The following RBFOX1 variants were observed in gnomAD, a reference collection of about 807,000 sequenced individuals.
The protein encoded by RBFOX1 is RNA binding protein fox-1 homolog 1.
RBFOX1 carries 8 observed loss-of-function variants against 57.7 expected under a neutral mutation model. The ratio of observed to expected loss-of-function variants is 0.14; its 90% confidence interval spans 0.08 to 0.25. RBFOX1 has a LOEUF of 0.25. Ranked by LOEUF, RBFOX1 falls within the 10% of genes least tolerant of loss-of-function variation. The probability of loss-of-function intolerance (pLI) is 1.00; values close to 1 mark genes in which losing one functional copy is unlikely to be tolerated. For synonymous variants in RBFOX1, 326 were observed against 222.4 expected, an observed-to-expected ratio of 1.47 and a Z score of -4.15; for missense variants, 611 against 548.5, an observed-to-expected ratio of 1.11 and a Z score of -1.14.
intron 3 of RBFOX1, among the ~76,000 whole-genome samples, chr16:5,745,678 T>C (rs573534377): frequency 6.6e-5 from 10 of 152,290 alleles, no homozygotes; most frequent in African/African-American, 2.4e-4. Context: ...TGATTTGCAT[T>C]TCTCTGATGG....
exon 3 of RBFOX1, chr16:5,599,281 G>A: frequency 1.6e-6 from 1 of 644,096 alleles, no homozygotes; most frequent in Non-Finnish European, 2.8e-6. Context: ...CTGCGCCCTG[G>A]TGTGACGGCC....
At chr16:6,634,680 A>G (rs2098416734) in intron 2 of RBFOX1, among the ~76,000 whole-genome samples, 1 of 144,334 alleles carries the variant, frequency 6.9e-6, no homozygotes, top group Admixed American at 7.0e-5. Flanking sequence ...GTAAATATGT[A>G]CATATATAAT....
At chr16:7,325,762 C>T (rs2096603142) in intron 4 of RBFOX1, among the ~76,000 whole-genome samples, 1 of 152,196 alleles carries the variant, frequency 6.6e-6, no homozygotes, top group Non-Finnish European at 1.5e-5. Context: ...TTGGGTGTCA[C>T]ATTGACAACC....
intron 1 of RBFOX1, among the ~76,000 whole-genome samples, chr16:6,286,947 A>G (rs2076966332): frequency 2.0e-5 from 3 of 152,182 alleles, no homozygotes; most frequent in African/African-American, 7.2e-5. Context: ...GGTAGAGTTG[A>G]CTTGAAGGAT....
intron 4 of RBFOX1, among the ~76,000 whole-genome samples, chr16:7,426,147 C>T (rs2098608988): frequency 6.6e-6 from 1 of 152,194 alleles, no homozygotes. Flanking sequence ...CCCACCCTTG[C>T]CTAGGCAGGG....
At chr16:6,603,412 C>G (rs566330817) in intron 2 of RBFOX1, among the ~76,000 whole-genome samples, 2 of 152,314 alleles carry the variant, frequency 1.3e-5, no homozygotes, top group South Asian at 2.1e-4. Context: ...GCCACCATCT[C>G]CTGCACAAAA....
chr16:6,071,582 TTAGTC>T (rs1365510960), intron 1 of RBFOX1, among the ~76,000 whole-genome samples: 1 of 152,210 alleles, frequency 6.6e-6, no homozygotes, highest in African/African-American at 2.4e-5. Context: ...TAGCTGCAAA[TTAGTC>T]TAGAGTGAAA....
rs539276939 is a variant in RBFOX1, at chr16:6,247,839, A to T, written c.-126-69156A>T. On this transcript the variant is annotated intron_variant, in intron 1 of 15. Transcript: ENST00000550418. ...GAAAATTCTTTCCTAGCTCTGCCTT[A>T]TTTCTCTGGCTCTGATGATAGGAAA... is the stretch of plus-strand genomic sequence containing the variant. Among the ~76,000 whole-genome samples the T allele has an allele frequency of 7.2e-5, 11 of 152,282 alleles. No homozygotes were observed. In the South Asian group the frequency reaches 2.3e-3, roughly 32 times the overall value.
chr16:6,042,154 G>T (rs1961237958), intron 1 of RBFOX1, among the ~76,000 whole-genome samples: 1 of 150,216 alleles, frequency 6.7e-6, no homozygotes, highest in African/African-American at 2.5e-5. Flanking sequence ...GAGCTGGAGT[G>T]CAGTGGTGCC....
intron 3 of RBFOX1, among the ~76,000 whole-genome samples, chr16:6,937,111 A>G (rs139209085): frequency 6.6e-6 from 1 of 152,110 alleles, no homozygotes; most frequent in African/African-American, 2.4e-5. Context: ...AATAAATAAA[A>G]AAAGATCCAT....
chr16:5,848,270 C>G (rs571015043), intron 3 of RBFOX1, among the ~76,000 whole-genome samples: 8 of 152,272 alleles, frequency 5.3e-5, no homozygotes, highest in Non-Finnish European at 1.0e-4. Flanking sequence ...AGGTGGTTCT[C>G]CTGTGCAGCC....
chr16:6,431,256 G>T (rs948552871), intron 2 of RBFOX1, among the ~76,000 whole-genome samples: 2 of 152,062 alleles, frequency 1.3e-5, no homozygotes, highest in African/African-American at 4.8e-5. Context: ...AGTTAGGAGG[G>T]AGAATAGAGG....
intron 3 of RBFOX1, among the ~76,000 whole-genome samples, chr16:5,780,552 A>G (rs1041750749): frequency 3.3e-5 from 5 of 152,192 alleles, no homozygotes; most frequent in African/African-American, 1.2e-4. Context: ...TCAATCAATC[A>G]ATTCCTCCAA....
intron 3 of RBFOX1, among the ~76,000 whole-genome samples, chr16:6,979,160 A>G (rs1251288167): frequency 6.6e-6 from 1 of 152,220 alleles, no homozygotes; most frequent in African/African-American, 2.4e-5. Flanking sequence ...TCTTAGTTCT[A>G]GTGTTGATAG....
At chr16:7,186,897 C>T (rs1413204333) in intron 4 of RBFOX1, among the ~76,000 whole-genome samples, 1 of 146,112 alleles carries the variant, frequency 6.8e-6, no homozygotes, top group Non-Finnish European at 1.5e-5. Context: ...GTGGCTCACA[C>T]TTGTAATTTC....
chr16:6,336,181 A>AT lies in RBFOX1; in HGVS notation c.-64+19159dup, dbSNP rs1156246510. Among the ~76,000 whole-genome samples, 21 of 27,022 alleles carry AT rather than the reference A, an allele frequency of 7.8e-4. 3 individuals are homozygous for AT. Among genetic ancestry groups the AT allele is most frequent in the East Asian group, 1.9e-3 (1 of 528 alleles). 17.7% of individuals were successfully genotyped at this position (27,022 alleles called of 152,430 possible). On this transcript the variant is annotated intron_variant, in intron 2 of 15. Coordinates refer to ENST00000550418, the MANE Select transcript of RBFOX1 (RefSeq NM_018723.4). The stretch of plus-strand genomic sequence containing the variant: ...TATATATATATATATATATATATAT[A>AT]TTTTTTTTTTTTTTTTTTTTTTTTT...
chr16:6,023,743 T>C (rs985124027), intron 1 of RBFOX1, among the ~76,000 whole-genome samples: 11 of 152,196 alleles, frequency 7.2e-5, no homozygotes, highest in African/African-American at 2.4e-4. Context: ...CTGACTTTCC[T>C]AAAATCATCC....
intron 1 of RBFOX1, among the ~76,000 whole-genome samples, chr16:6,026,270 G>A (rs1215052466): frequency 6.6e-6 from 1 of 152,218 alleles, no homozygotes; most frequent in African/African-American, 2.4e-5. Flanking sequence ...TTAGCATCTA[G>A]CGTGGTGCAA....
chr16:7,066,546 G>A (rs1169254052), intron 4 of RBFOX1, among the ~76,000 whole-genome samples: 2 of 151,156 alleles, frequency 1.3e-5, no homozygotes, highest in South Asian at 2.1e-4. Flanking sequence ...TATGTGCAAA[G>A]TTTTAGGTGC....
Sources: allele counts gnomAD v4.1 joint callset (sites outside exome capture counted in the v4.1 genomes callset), GRCh38; gene constraint gnomAD v4.1.1; transcripts MANE v1.5; gene names NCBI Gene and HGNC (gene_info 2026-07-23, HGNC 2026-07-21).